Variants in S100A5 observed in about 807,000 individuals in gnomAD.
S100A5 encodes the protein S100 calcium binding protein A5, also known as protein S100-A5.
S100A5 carries 5 observed loss-of-function variants against 6.7 expected under a neutral mutation model. The ratio of observed to expected loss-of-function variants is 0.75; its 90% CI spans 0.39 to 1.57. The LOEUF is 1.57. S100A5 is among the 40% of genes most tolerant of loss of function. The probability of loss-of-function intolerance (pLI) is 0.03; values close to 1 mark genes in which losing one functional copy is unlikely to be tolerated. For synonymous variants in S100A5, 49 were observed against 44.9 expected, an observed-to-expected ratio of 1.09 and a Z score of -0.37; for missense variants, 129 against 110.8, an observed-to-expected ratio of 1.16 and a Z score of -0.74.
In S100A5 at chr1:153,540,118, C is replaced by G. The variant is rs369991347; in HGVS notation, c.74G>C (p.Ser25Thr). Reference protein sequence around the residue: ...TFHKYSGREGSKLTLSRKELK... With the variant: ...TFHKYSGREGTKLTLSRKELK... ...TTCCTTCCTACTCAGGGTCAGTTTG[C>G]TACCCTCTCTCCCCGAATATTTGTG... The change falls in exon 2 of 3, where the codon AGC (serine) becomes ACC (threonine). Residue 25 changes from serine (S) to threonine (T), a missense_variant. By Grantham distance (58) the Ser-to-Thr change is moderately conservative. Coordinates refer to ENST00000368717, the MANE Select transcript of S100A5 (RefSeq NM_001394232.1). The G allele has an allele frequency of 6.2e-7, 1 of 1,614,146 alleles. No individual in the cohort carries two copies. The highest frequency in any genetic ancestry group is 1.3e-5 in the African/African-American group (1 of 75,024).
upstream of S100A5, among the ~76,000 whole-genome samples, chr1:153,542,435 G>A (rs1665420034): frequency 6.6e-6 from 1 of 152,220 alleles, no homozygotes. Context: ...CCCAGGGAGG[G>A]TGGATGGAGA....
chr1:153,543,129 A>T, upstream of S100A5: 1 of 687,420 alleles, frequency 1.5e-6, no homozygotes. Context: ...GTGGCAGGAC[A>T]GGGCCTGGAC....
upstream of S100A5, among the ~76,000 whole-genome samples, chr1:153,543,050 C>T (rs1019252016): frequency 6.6e-6 from 1 of 152,106 alleles, no homozygotes; most frequent in African/African-American, 2.4e-5. Context: ...CATTGCCCTC[C>T]CTGATCCTAC....
chr1:153,542,133 A>G (rs1272711978), upstream of S100A5, among the ~76,000 whole-genome samples: 2 of 152,124 alleles, frequency 1.3e-5, no homozygotes, highest in South Asian at 4.1e-4. Context: ...GGCTGCAGTC[A>G]AGGAGGAAGT....
chr1:153,539,469 A>T (rs28376606), intron 2 of S100A5, among the ~76,000 whole-genome samples: 1,339 of 122,964 alleles, frequency 0.011, 74 homozygotes, highest in African/African-American at 0.047. Flanking sequence ...ATATATATAT[A>T]TATATATTTA....
At chr1:153,541,066 T>C (rs551493368), upstream of S100A5, among the ~76,000 whole-genome samples, 7 of 152,218 alleles carry the variant, frequency 4.6e-5, no homozygotes, top group African/African-American at 1.7e-4. Flanking sequence ...CTCCCTGCCA[T>C]TCTTGAACCA....
intron 2 of S100A5, 97 bp from the exon 3 acceptor site, chr1:153,537,533 T>C (rs1665223904): frequency 1.0e-5 from 15 of 1,476,210 alleles, no homozygotes; most frequent in Non-Finnish European, 2.8e-6. Flanking sequence ...AACTTCAGGG[T>C]GAGCCCCAGC....
rs773519294 is a variant in S100A5, at chr1:153,537,452, G to A, written c.139-16C>T. ...TCTCCTTCATCTTTTGTGGACCCAG[G>A]TGGAGAGACAGCTCAGACCCCGCTC... On this transcript the variant is annotated splice_polypyrimidine_tract_variant and intron_variant, in intron 2 of 2. Coordinates refer to ENST00000368717, the MANE Select transcript of S100A5 (RefSeq NM_001394232.1). 4 of 1,613,664 alleles carry A rather than the reference G, an allele frequency of 2.5e-6. No individual in the cohort carries two copies. The highest frequency in any genetic ancestry group is 3.4e-6 in the Non-Finnish European group (4 of 1,179,800).
intron 2 of S100A5, 117 bp downstream of exon 2, chr1:153,539,937 C>A: frequency 8.2e-7 from 1 of 1,221,816 alleles, no homozygotes; most frequent in Non-Finnish European, 1.2e-6. Flanking sequence ...TTGTCTCTGT[C>A]TGTAGCCCTT....
chr1:153,538,301 G>A (rs893450687), intron 2 of S100A5, among the ~76,000 whole-genome samples: 2 of 152,238 alleles, frequency 1.3e-5, no homozygotes, highest in African/African-American at 4.8e-5. Context: ...CCATTAGGAC[G>A]ATGGAGTCAG....
At chr1:153,542,535 C>T (rs1665422210), upstream of S100A5, among the ~76,000 whole-genome samples, 1 of 152,192 alleles carries the variant, frequency 6.6e-6, no homozygotes, top group South Asian at 2.1e-4. Flanking sequence ...GAGTCACCTG[C>T]CCCACTCCTC....
At chr1:153,537,804 T>C (rs543840012) in intron 2 of S100A5, among the ~76,000 whole-genome samples, 4 of 152,192 alleles carry the variant, frequency 2.6e-5, no homozygotes, top group Non-Finnish European at 4.4e-5. Flanking sequence ...TCCTAGCACT[T>C]TGGGAGGCCG....
At chr1:153,541,334 C>A (rs530438862), upstream of S100A5, 139 of 1,324,340 alleles carry the variant, frequency 1.0e-4, 1 homozygote, top group South Asian at 1.5e-3. Flanking sequence ...CATCATCCAG[C>A]GTGACCCACC....
rs756807099 is a variant in S100A5 at position 153,537,356 on chromosome 1, C to T, written c.219G>A (p.Ser73=). 61 of 1,614,006 alleles carry T rather than the reference C, an allele frequency of 3.8e-5. 1 individual carries two copies. The South Asian group carries it at 6.0e-4, about 16-fold the overall frequency. The change falls in exon 3 of 3, where the codon TCG becomes TCA. Residue 73 remains serine, a synonymous_variant. Coordinates refer to ENST00000368717, the MANE Select transcript of S100A5 (RefSeq NM_001394232.1). ...CCATGCACAGCATGGTCAGGAACACCGAGTACTCCTTGAAGTCGATCTCCT... is the reference window on the plus strand; with the variant it reads ...CCATGCACAGCATGGTCAGGAACACTGAGTACTCCTTGAAGTCGATCTCCT... ...SDQEIDFKEY[S]VFLTMLCMAY...
At chr1:153,539,055 G>A (rs2101683872) in intron 2 of S100A5, among the ~76,000 whole-genome samples, 1 of 152,204 alleles carries the variant, frequency 6.6e-6, no homozygotes. Context: ...ACTTGAGCCT[G>A]AAAGTTCAAG....
upstream of S100A5, chr1:153,541,288 G>T: frequency 1.0e-6 from 1 of 990,370 alleles, no homozygotes; most frequent in Non-Finnish European, 1.5e-6. Context: ...GTGGGGCCAG[G>T]CCTCCTTGGT....
intron 2 of S100A5, among the ~76,000 whole-genome samples, chr1:153,537,917 C>T (rs1261534326): frequency 6.6e-6 from 1 of 152,096 alleles, no homozygotes; most frequent in African/African-American, 2.4e-5. Flanking sequence ...CATGGTGGTA[C>T]ATCCCTGTAA....
chr1:153,541,558 G>T, upstream of S100A5: 2 of 1,265,068 alleles, frequency 1.6e-6, no homozygotes, highest in Non-Finnish European at 2.1e-6. Flanking sequence ...GATGGAGCTG[G>T]GGAGAAACCC....
At chr1:153,543,365 C>T (rs1417471286), upstream of S100A5, 4 of 872,026 alleles carry the variant, frequency 4.6e-6, no homozygotes, top group Admixed American at 6.2e-5. Flanking sequence ...AGTGGGCTGG[C>T]TGAGATCCCA....
Sources: allele counts gnomAD v4.1 joint callset (sites outside exome capture counted in the v4.1 genomes callset), GRCh38; gene constraint gnomAD v4.1.1; transcripts MANE v1.5; gene names NCBI Gene and HGNC (gene_info 2026-07-23, HGNC 2026-07-21).